The following EFCAB8 variants were observed in gnomAD, a reference collection of about 807,000 sequenced individuals.
EFCAB8 encodes EF-hand calcium binding domain 8.
EFCAB8 carries 100 observed loss-of-function variants against 116.3 expected under a neutral mutation model. That is an observed-to-expected ratio of 0.86 (90% CI 0.73 to 1.02). The LOEUF is 1.02. EFCAB8 is among the 50% of genes least tolerant of loss of function. EFCAB8 has a pLI of 0.00. For synonymous variants in EFCAB8, 558 were observed against 567.9 expected (o/e 0.98, Z 0.25); for missense variants, 1,320 against 1,416.9 (o/e 0.93, Z 1.10).
At chr20:32,955,412 C>T (rs13339913) in intron 23 of EFCAB8, among the ~76,000 whole-genome samples, 3,220 of 152,194 alleles carry the variant, frequency 0.021, 131 homozygotes, top group African/African-American at 0.073. Context: ...TGGAAGTGTG[C>T]ACCTGTAGTC....
At chr20:32,907,135 G>A (rs527738968) in intron 13 of EFCAB8, 141 bp downstream of exon 13, 2 of 1,422,436 alleles carry the variant, frequency 1.4e-6, no homozygotes, top group Non-Finnish European at 1.8e-6. Context: ...GGAAGGTGAG[G>A]GTGGCCATGG....
In EFCAB8 at chr20:32,943,811, G is replaced by A; in HGVS notation, c.2959+7G>A. The A allele has an allele frequency of 2.4e-6, 1 of 416,848 alleles. No individual in the cohort carries two copies. The highest frequency in any genetic ancestry group is 4.4e-5 in the Admixed American group (1 of 22,744). The allele number at this position is 416,848 out of a possible 1,614,324, so 25.8% of individuals were successfully genotyped here. On this transcript the variant is annotated splice_region_variant and intron_variant, in intron 23 of 26. Coordinates refer to ENST00000400522, the MANE Select transcript of EFCAB8 (RefSeq NM_001143967.2). ...CTCTCCGGTGATGCCATTGGTATGG[G>A]TCCTGCTGAAGCTCAGCCATGCCCA... is the stretch of plus-strand genomic sequence containing the variant.
At chr20:32,930,372 G>A in intron 20 of EFCAB8, 26 bp from the exon 21 acceptor site, 2 of 1,539,986 alleles carry the variant, frequency 1.3e-6, no homozygotes, top group Non-Finnish European at 8.8e-7. Context: ...CAGCCCTGCT[G>A]AGCCGGGCCC....
Position 32,885,498 on chromosome 20 carries a change from C to T in EFCAB8, c.432-7C>T. Reference sequence around the variant, plus strand: ...TGGGCTCTTCTCTCTTTCATCGCCTCCCACAGGAACCATGGCTGTGAGGTG... The same window carrying T: ...TGGGCTCTTCTCTCTTTCATCGCCTTCCACAGGAACCATGGCTGTGAGGTG... On this transcript the variant is annotated splice_region_variant and splice_polypyrimidine_tract_variant and intron_variant, in intron 5 of 26. Coordinates refer to ENST00000400522, the MANE Select transcript of EFCAB8 (RefSeq NM_001143967.2). 3.2e-6 allele frequency: 5 copies of T among 1,551,734 alleles called. No homozygotes were observed. Among genetic ancestry groups the T allele is most frequent in the Non-Finnish European group, 4.4e-6 (5 of 1,146,972 alleles).
chr20:32,884,031 C>T (rs750556110), intron 5 of EFCAB8, among the ~76,000 whole-genome samples: 4 of 152,130 alleles, frequency 2.6e-5, no homozygotes, highest in Admixed American at 1.3e-4. Context: ...CCACTCTGCC[C>T]GGTCAGGTCT....
intron 11 of EFCAB8, among the ~76,000 whole-genome samples, chr20:32,906,039 T>C: frequency 6.6e-6 from 1 of 152,122 alleles, no homozygotes; most frequent in Non-Finnish European, 1.5e-5. Context: ...AGTTCTATTC[T>C]TGGGCATTGT....
rs36022156 is a variant in EFCAB8, at chr20:32,961,317, C to T, written c.3575C>T (p.Thr1192Met). The T allele has an allele frequency of 0.055, 81,936 of 1,497,642 alleles. 2,490 individuals are homozygous for T. The highest frequency in any genetic ancestry group is 0.064 in the Non-Finnish European group (71,341 of 1,123,116). The allele number at this position is 1,497,642 out of a possible 1,614,324, so 92.8% of individuals were successfully genotyped here. Residue 1192 changes from threonine (T) to methionine (M), a missense_variant, in exon 27 of 27, where the codon ACG becomes ATG. Coordinates refer to ENST00000400522, the MANE Select transcript of EFCAB8 (RefSeq NM_001143967.2). ...GCTGTGCTGGATACCACGGACAGCA[C>T]GCCTGCGGCCGCCTCCTCCCCATCT... ...EQAVLDTTDSTPAAASSPSSL... is the reference protein window; with the variant it reads ...EQAVLDTTDSMPAAASSPSSL...
intron 4 of EFCAB8, among the ~76,000 whole-genome samples, chr20:32,878,040 C>T (rs1161789381): frequency 6.6e-6 from 1 of 152,046 alleles, no homozygotes; most frequent in Non-Finnish European, 1.5e-5. Context: ...AGAACTTTGG[C>T]AGACCACTTG....
chr20:32,926,524 T>A (rs1195854202), intron 20 of EFCAB8, among the ~76,000 whole-genome samples: 1 of 151,412 alleles, frequency 6.6e-6, no homozygotes, highest in Non-Finnish European at 1.5e-5. Flanking sequence ...TTTTTTTTTA[T>A]TATACTTTAA....
chr20:32,915,695 A>G (rs1165678565), intron 17 of EFCAB8, among the ~76,000 whole-genome samples: 1 of 147,850 alleles, frequency 6.8e-6, no homozygotes, highest in Non-Finnish European at 1.5e-5. Context: ...TTTTTAAGAC[A>G]GAGTCTTGTT....
intron 3 of EFCAB8, among the ~76,000 whole-genome samples, chr20:32,873,983 A>T (rs1338960248): frequency 9.9e-5 from 15 of 151,314 alleles, no homozygotes; most frequent in Admixed American, 9.2e-4. Flanking sequence ...TGCAGTGGTG[A>T]AATCTCTGCT....
At chr20:32,900,660 G>A (rs113305339) in intron 11 of EFCAB8, among the ~76,000 whole-genome samples, 44,038 of 152,094 alleles carry the variant, frequency 0.29, 8,175 homozygotes, top group Middle Eastern at 0.45. Context: ...TCCGCCTCTC[G>A]GGTTCAAGCA....
chr20:32,939,183 CTTTCTTTCTTTCTTTCTTTCCTCTCTCT>C (rs1988286464), intron 22 of EFCAB8, among the ~76,000 whole-genome samples: 3 of 76,494 alleles, frequency 3.9e-5, no homozygotes, highest in South Asian at 3.8e-4. Flanking sequence ...TTCTTTCTTT[CTTTCTTTCTTTCTTTCTTTCCTCTCTCT>C]CTCTCTCTCT....
intron 23 of EFCAB8, among the ~76,000 whole-genome samples, chr20:32,953,246 C>T (rs1444466040): frequency 6.6e-6 from 1 of 152,102 alleles, no homozygotes; most frequent in Admixed American, 6.5e-5. Flanking sequence ...TAGTTGACTC[C>T]ACCTCTTGGC....
Position 32,889,398 on chromosome 20 carries a change from A to G in EFCAB8, c.665A>G (p.Gln222Arg). The G allele has an allele frequency of 1.3e-6, 2 of 1,551,856 alleles. No individual in the cohort carries two copies. The highest frequency in any genetic ancestry group is 1.2e-5 in the South Asian group (1 of 84,060). The change falls in exon 7 of 27, where the codon CAA becomes CGA. Residue 222 changes from glutamine to arginine, a missense_variant. Coordinates refer to ENST00000400522, the MANE Select transcript of EFCAB8 (RefSeq NM_001143967.2). ...CTCGTTGCAGTTGCGTCTACCAGGC[A>G]AAAGATAGGTGAGTCCCTGGGGGCT... ...MNLVAVASTR[Q>R]KIDFFDISDH...
chr20:32,935,955 C>T (rs889545396), intron 22 of EFCAB8, among the ~76,000 whole-genome samples: 1 of 152,040 alleles, frequency 6.6e-6, no homozygotes, highest in East Asian at 1.9e-4. Context: ...TTCATTGTTT[C>T]CTTTCTGTCC....
chr20:32,939,125 CTCTTTCTTTCTT>C (rs56136077), intron 22 of EFCAB8, among the ~76,000 whole-genome samples: 3,158 of 56,052 alleles, frequency 0.056, 171 homozygotes, highest in East Asian at 0.068. Flanking sequence ...CTCTTTCTTT[CTCTTTCTTTCTT>C]TCTTTCTTTC....
intron 20 of EFCAB8, among the ~76,000 whole-genome samples, chr20:32,926,192 C>G (rs1017471523): frequency 1.3e-5 from 2 of 152,198 alleles, no homozygotes; most frequent in Admixed American, 1.3e-4. Flanking sequence ...TTCCCCAGTT[C>G]AGACATGGGA....
chr20:32,878,742 A>G lies in EFCAB8; in HGVS notation c.366A>G (p.Gly122=). ...ATTACATGATGCGTGAGTTCCAGGG[A>G]AAAGAGGACATGCGAAAGAGCCAGT... ...YVDYMMREFQ[G]KEDMRKSQYR... Residue 122 remains glycine (G), a synonymous_variant, in exon 5 of 27, where the codon GGA becomes GGG. Transcript: ENST00000400522. The G allele has an allele frequency of 6.4e-7, 1 of 1,551,634 alleles. No homozygotes were observed. Among genetic ancestry groups the G allele is most frequent in the East Asian group, 2.4e-5 (1 of 40,910 alleles).
Sources: gnomAD v4.1 joint callset for allele counts (sites outside exome capture counted in the v4.1 genomes callset) on GRCh38, gnomAD v4.1.1 for gene constraint, MANE v1.5 for transcripts, NCBI Gene and HGNC (gene_info 2026-07-23, HGNC 2026-07-21) for gene names.